The following GNPDA1 variants were observed in gnomAD, a reference collection of about 807,000 sequenced individuals.
GNPDA1 encodes the protein GNPDA 1.
A neutral mutation model predicts 28.5 loss-of-function variants in GNPDA1; 24 were observed. The ratio of observed to expected loss-of-function variants is 0.84; its 90% CI spans 0.61 to 1.19. The LOEUF is 1.19. Among genes scored for constraint, GNPDA1 ranks in the 50% most tolerant of loss-of-function variants. The pLI, the probability that GNPDA1 is intolerant of heterozygous loss-of-function variation, is 0.00. For missense variants in GNPDA1, 264 were observed against 367.3 expected, an observed-to-expected ratio of 0.72 and a Z score of 2.30; for synonymous variants, 147 against 139.3, an observed-to-expected ratio of 1.06 and a Z score of -0.39.
intron 1 of GNPDA1, chr5:142,012,646 G>GAGGGGT (rs1755991850): frequency 1.8e-6 from 1 of 553,844 alleles, no homozygotes; most frequent in Non-Finnish European, 2.3e-6. Context: ...TGGACTAGCG[G>GAGGGGT]AGGGGTCTTC....
chr5:142,012,282 A>G, intron 1 of GNPDA1: 1 of 368,228 alleles, frequency 2.7e-6, no homozygotes, highest in Non-Finnish European at 5.0e-6. Context: ...CAGCTCCTTC[A>G]CTTACCACCT....
At chr5:142,006,070 G>T in intron 4 of GNPDA1, 74 bp downstream of exon 4, 1 of 1,250,148 alleles carries the variant, frequency 8.0e-7, no homozygotes, top group Non-Finnish European at 1.1e-6. Flanking sequence ...GCTGTCTGCA[G>T]ACAGGCATTG....
intron 2 of GNPDA1, among the ~76,000 whole-genome samples, chr5:142,008,177 T>A (rs929619304): frequency 9.9e-5 from 15 of 152,262 alleles, no homozygotes; most frequent in Non-Finnish European, 1.6e-4. Context: ...TCACTCTGAT[T>A]AGTACCTGAG....
rs747873200 is a variant in GNPDA1 at position 142,005,111 on chromosome 5, C to T, written c.415G>A (p.Gly139Ser). Reference sequence around the variant, plus strand: ...TTGAAGGCAATGTGTCCATCAGGGCCGATGCCTATAGGGAGAGAGCCCGTG... The same window carrying T: ...TTGAAGGCAATGTGTCCATCAGGGCTGATGCCTATAGGGAGAGAGCCCGTG... Reference protein sequence around the residue: ...GGIELFVGGIGPDGHIAFNEP... With the variant: ...GGIELFVGGISPDGHIAFNEP... The change falls in exon 5 of 7, where the codon GGC (glycine) becomes AGC (serine). Residue 139 changes from glycine to serine, a missense_variant. Gly to Ser is a moderately conservative substitution (Grantham distance 56). Transcript: ENST00000311337. 5 of 1,601,958 alleles carry T rather than the reference C, an allele frequency of 3.1e-6. No individual in the cohort carries two copies. Among genetic ancestry groups the T allele is most frequent in the Non-Finnish European group, 4.3e-6 (5 of 1,170,202 alleles).
chr5:142,006,677 TC>T (rs1414431163), intron 3 of GNPDA1, among the ~76,000 whole-genome samples: 3 of 152,078 alleles, frequency 2.0e-5, no homozygotes, highest in African/African-American at 7.2e-5. Flanking sequence ...GCTGAACTCA[TC>T]TTAGAAAGCA....
intron 2 of GNPDA1, among the ~76,000 whole-genome samples, chr5:142,009,199 C>T (rs1237183732): frequency 6.6e-6 from 1 of 151,872 alleles, no homozygotes; most frequent in African/African-American, 2.4e-5. Flanking sequence ...ATTTTGCAAA[C>T]TAAAAAAATG....
intron 5 of GNPDA1, 199 bp downstream of exon 5, chr5:142,004,733 G>A: frequency 2.2e-6 from 1 of 446,082 alleles, no homozygotes; most frequent in East Asian, 3.1e-5. Context: ...ACGTGCTCAA[G>A]GGATTCACCT....
At chr5:142,006,456 C>T (rs1755807361) in intron 3 of GNPDA1, 130 bp from the exon 4 acceptor site, 2 of 654,294 alleles carry the variant, frequency 3.1e-6, no homozygotes, top group East Asian at 5.6e-5. Flanking sequence ...GCCTTAGGCA[C>T]CAGCCCTCTG....
Position 142,006,294 on chromosome 5 carries a change from A to T in GNPDA1, c.259T>A (p.Ser87Thr), listed in dbSNP as rs890386140. The change falls in exon 4 of 7, where the codon TCC becomes ACC. Residue 87 changes from serine to threonine, a missense_variant. Ser to Thr is a moderately conservative substitution (Grantham distance 58, BLOSUM62 1). Coordinates refer to ENST00000311337, the MANE Select transcript of GNPDA1 (RefSeq NM_005471.5). ...TTGAAGAAGTTGTTCCACATGAAGG[A>T]GTGGTAACTCTCCGGGTGGTCTCGA... The part of the protein sequence containing the change: ...LPRDHPESYH[S>T]FMWNNFFKHI... 1 of 1,613,820 alleles carries T rather than the reference A, an allele frequency of 6.2e-7. No individual in the cohort carries two copies. The highest frequency in any genetic ancestry group is 8.5e-7 in the Non-Finnish European group (1 of 1,179,922).
rs1755685275 is a variant in GNPDA1 at position 142,001,860 on chromosome 5, G to A, written c.*169C>T. ...TTAAGTTACAAACATTCTCCCTATA[G>A]CTAAACTCCGTGACTAGGCTCCCAG... On this transcript the variant is annotated 3_prime_UTR_variant, in exon 7 of 7. Coordinates refer to ENST00000311337, the MANE Select transcript of GNPDA1 (RefSeq NM_005471.5). The A allele has an allele frequency of 2.3e-6, 1 of 439,546 alleles. No homozygotes were observed. Among genetic ancestry groups the A allele is most frequent in the African/African-American group, 2.1e-5 (1 of 48,700 alleles). The allele number at this position is 439,546 out of a possible 1,614,324, so 27.2% of individuals were successfully genotyped here. A position where few individuals can be genotyped will look rare whatever the true frequency, so the allele number is the denominator to read the frequency against.
rs576103727 is a variant in GNPDA1 at position 142,001,398 on chromosome 5, T to C, written c.*631A>G. 368 of 152,432 alleles carry C rather than the reference T, an allele frequency of 2.4e-3. No homozygotes were observed. The highest frequency in any genetic ancestry group is 4.5e-3 in the Non-Finnish European group (303 of 68,038). The allele number at this position is 152,432 out of a possible 1,614,324, so 9.4% of individuals were successfully genotyped here. A position where few individuals can be genotyped will look rare whatever the true frequency, so the allele number is the denominator to read the frequency against. Reference sequence around the variant, plus strand: ...CCCCTTGAGGCTCTGGATTTATCAATAGAAGCCTCCTCTTTGGCCCCACCC... The same window carrying C: ...CCCCTTGAGGCTCTGGATTTATCAACAGAAGCCTCCTCTTTGGCCCCACCC... On this transcript the variant is annotated 3_prime_UTR_variant, in exon 7 of 7. Transcript: ENST00000311337.
Position 142,005,038 on chromosome 5 carries a change from G to A in GNPDA1, c.488C>T (p.Ala163Val). The A allele has an allele frequency of 6.2e-7, 1 of 1,613,578 alleles. No homozygotes were observed. The highest frequency in any genetic ancestry group is 8.5e-7 in the Non-Finnish European group (1 of 1,179,606). Residue 163 changes from alanine (A) to valine (V), a missense_variant, in exon 5 of 7, where the codon GCC (alanine) becomes GTC (valine). Ala to Val is a moderately conservative substitution (Grantham distance 64, BLOSUM62 0). Transcript: ENST00000311337. ...AGCATTGGCCAGGATGGTATCCATG[G>A]CCAGCGTCTTCACACGGGTCCTGGA... ...LVSRTRVKTLAMDTILANARF... is the reference protein window; with the variant it reads ...LVSRTRVKTLVMDTILANARF...
At chr5:142,005,153 A>AG (rs1208843299) in intron 4 of GNPDA1, 37 bp from the exon 5 acceptor site, 1 of 1,497,132 alleles carries the variant, frequency 6.7e-7, no homozygotes, top group Non-Finnish European at 9.2e-7. Flanking sequence ...TGTCAGTCCC[A>AG]GGGATCCAAG....
chr5:142,012,135 A>G, intron 1 of GNPDA1, 94 bp from the exon 2 acceptor site: 3 of 1,290,610 alleles, frequency 2.3e-6, no homozygotes, highest in South Asian at 1.4e-5. Context: ...TTACCCAGCA[A>G]CAATCCCCTT....
chr5:142,005,269 A>G, intron 4 of GNPDA1, 153 bp from the exon 5 acceptor site: 1 of 577,384 alleles, frequency 1.7e-6, no homozygotes. Context: ...TACACCTTAA[A>G]CATGTGATCT....
chr5:142,008,067 T>G (rs1191765765), intron 2 of GNPDA1, among the ~76,000 whole-genome samples, 167 bp from the exon 3 acceptor site: 1 of 152,250 alleles, frequency 6.6e-6, no homozygotes, highest in African/African-American at 2.4e-5. Flanking sequence ...GCTTGTTTAA[T>G]GCCTATTTTG....
intron 2 of GNPDA1, among the ~76,000 whole-genome samples, chr5:142,011,080 G>A (rs1755940757): frequency 6.6e-6 from 1 of 152,008 alleles, no homozygotes; most frequent in Non-Finnish European, 1.5e-5. Context: ...CCAAGAAGCT[G>A]GGACTACAGG....
chr5:142,010,511 C>CTT lies in GNPDA1; in HGVS notation c.124+1399_124+1400dup, dbSNP rs749705822. 6.7e-3 allele frequency among the ~76,000 whole-genome samples: 315 copies of CTT among 46,830 alleles called. 1 individual carries two copies. The highest frequency in any genetic ancestry group is 0.015 in the African/African-American group (298 of 19,250). The allele number at this position is 46,830 out of a possible 152,430, so 30.7% of individuals were successfully genotyped here. A position where few individuals can be genotyped will look rare whatever the true frequency, so the allele number is the denominator to read the frequency against. On this transcript the variant is annotated intron_variant, in intron 2 of 6. Transcript: ENST00000311337. Reference sequence around the variant, plus strand: ...AGTTAAGAATGGTTTTCTTTTCTTTCTTTTTTTTTTTTTTTTTGAGACAGA... The same window carrying CTT: ...AGTTAAGAATGGTTTTCTTTTCTTTCTTTTTTTTTTTTTTTTTTTGAGACAGA...
intron 5 of GNPDA1, among the ~76,000 whole-genome samples, chr5:142,004,180 C>A (rs1755745238): frequency 1.3e-5 from 2 of 152,286 alleles, no homozygotes; most frequent in Admixed American, 6.5e-5. Flanking sequence ...GAGCTAAAAA[C>A]AGCGAGTAAA....
Sources: allele counts gnomAD v4.1 joint callset (sites outside exome capture counted in the v4.1 genomes callset), GRCh38; gene constraint gnomAD v4.1.1; transcripts MANE v1.5; gene names NCBI Gene and HGNC (gene_info 2026-07-23, HGNC 2026-07-21).